Variants in PDE3A observed in about 807,000 individuals in gnomAD.
The protein encoded by PDE3A is cGMP-inhibited 3',5'-cyclic phosphodiesterase 3A.
PDE3A carries 43 observed loss-of-function variants against 98.3 expected under a neutral mutation model. That is an observed-to-expected ratio of 0.44 (90% confidence interval 0.34 to 0.56). PDE3A has a LOEUF of 0.56. PDE3A is among the 20% of genes least tolerant of loss of function. The pLI is 0.01. For synonymous variants in PDE3A, 663 were observed against 567.9 expected, an observed-to-expected ratio of 1.17 and a Z score of -2.38; for missense variants, 1,427 against 1,440.7, an observed-to-expected ratio of 0.99 and a Z score of 0.15.
Position 20,646,839 on chromosome 12 carries a change from T to A in PDE3A, c.2454T>A (p.Ser818=). 6.2e-7 allele frequency: 1 copy of A among 1,612,462 alleles called. No individual in the cohort carries two copies. The part of the protein sequence containing the change: ...NVTDDKYGCL[S]GNIPALELMA... ...CAGATGATAAATACGGATGTCTGTC[T>A]GGGAATATCCCTGCCTTGGAGTTGA... The change falls in exon 12 of 16, where the codon TCT becomes TCA. Residue 818 remains serine (S), a synonymous_variant. Coordinates refer to ENST00000359062, the MANE Select transcript of PDE3A (RefSeq NM_000921.5).
rs1420748907 is a variant in PDE3A at position 20,665,907 on chromosome 12, A to G, written c.3184+11702A>G. Reference sequence around the variant, plus strand: ...TTTTGCTACATTCATCAAATGTGTAATGATTAAATCAGGATATTTAGAATA... The same window carrying G: ...TTTTGCTACATTCATCAAATGTGTAGTGATTAAATCAGGATATTTAGAATA... On this transcript the variant is annotated intron_variant, in intron 15 of 15. Transcript: ENST00000359062. Among the ~76,000 whole-genome samples, 5 of 151,066 alleles carry G rather than the reference A, an allele frequency of 3.3e-5. No individual in the cohort carries two copies. The East Asian group carries it at 9.7e-4, about 29-fold the overall frequency.
chr12:20,389,273 T>G (rs1428159609), intron 1 of PDE3A, among the ~76,000 whole-genome samples: 1 of 151,912 alleles, frequency 6.6e-6, no homozygotes, highest in Non-Finnish European at 1.5e-5. Context: ...AAGTTAGCAT[T>G]TGGGTAGAAT....
chr12:20,537,431 C>A (rs1475211717), intron 1 of PDE3A, among the ~76,000 whole-genome samples: 1 of 151,970 alleles, frequency 6.6e-6, no homozygotes, highest in East Asian at 1.9e-4. Context: ...ACAGATTATT[C>A]TAAAGGCTAG....
rs1945940912 is a variant in PDE3A at position 20,685,641 on chromosome 12, T to G, written c.*5370T>G. Among the ~76,000 whole-genome samples the G allele has an allele frequency of 6.6e-6, 1 of 152,126 alleles. No individual in the cohort carries two copies. The highest frequency in any genetic ancestry group is 6.6e-5 in the Admixed American group (1 of 15,266). On this transcript the variant is annotated 3_prime_UTR_variant, in exon 16 of 16. Transcript: ENST00000359062. ...TTAAGTCTCTAAAAGGAATCCACAT[T>G]TTCTTTCCAGATACAGCTAGTTTTT...
chr12:20,678,793 G>C (rs980029453), intron 15 of PDE3A, among the ~76,000 whole-genome samples: 1 of 152,136 alleles, frequency 6.6e-6, no homozygotes, highest in Non-Finnish European at 1.5e-5. Context: ...GGCCCGACTT[G>C]GGCCACACAC....
intron 1 of PDE3A, among the ~76,000 whole-genome samples, chr12:20,505,434 A>C (rs1242194064): frequency 6.6e-6 from 1 of 152,062 alleles, no homozygotes. Flanking sequence ...TGTTCTATAA[A>C]GTGTAGAGCT....
chr12:20,544,205 GTA>G (rs1404444105), intron 1 of PDE3A, among the ~76,000 whole-genome samples: 1 of 149,482 alleles, frequency 6.7e-6, no homozygotes, highest in Non-Finnish European at 1.5e-5. Context: ...TTTTATATGT[GTA>G]TATATATTTC....
intron 2 of PDE3A, among the ~76,000 whole-genome samples, chr12:20,577,498 C>T (rs946287281): frequency 4.6e-5 from 7 of 152,096 alleles, no homozygotes; most frequent in African/African-American, 1.7e-4. Flanking sequence ...TAAACTGAAC[C>T]GCATATTCAG....
chr12:20,529,795 A>C (rs1343575412), intron 1 of PDE3A, among the ~76,000 whole-genome samples: 4 of 152,182 alleles, frequency 2.6e-5, no homozygotes, highest in Non-Finnish European at 5.9e-5. Context: ...GAATTTGTTT[A>C]CCTAGTTATG....
intron 2 of PDE3A, among the ~76,000 whole-genome samples, chr12:20,569,029 T>A (rs1017177937): frequency 2.6e-5 from 4 of 152,034 alleles, no homozygotes; most frequent in African/African-American, 9.7e-5. Flanking sequence ...AATAAATATG[T>A]GTGTATAAAT....
intron 1 of PDE3A, among the ~76,000 whole-genome samples, chr12:20,537,015 TA>T (rs1219126303): frequency 6.6e-6 from 1 of 152,048 alleles, no homozygotes; most frequent in African/African-American, 2.4e-5. Context: ...TAGCAAATTA[TA>T]AAGGTCCTCA....
At chr12:20,392,506 CATAAATAAATAA>C (rs549745332) in intron 1 of PDE3A, among the ~76,000 whole-genome samples, 5 of 115,094 alleles carry the variant, frequency 4.3e-5, no homozygotes, top group East Asian at 2.9e-4. Context: ...GATCCTGTCT[CATAAATAAATAA>C]ATAAATAAAT....
intron 1 of PDE3A, among the ~76,000 whole-genome samples, chr12:20,544,452 A>G (rs1353019882): frequency 6.6e-6 from 1 of 151,800 alleles, no homozygotes; most frequent in African/African-American, 2.4e-5. Context: ...TTTAAACAAG[A>G]TGGAGATTAG....
chr12:20,370,491 A>G (rs940123045), intron 1 of PDE3A, among the ~76,000 whole-genome samples: 6 of 151,296 alleles, frequency 4.0e-5, no homozygotes, highest in South Asian at 2.1e-4. Context: ...TAACAAAACT[A>G]GATGGCATGT....
At chr12:20,531,016 T>C (rs1178564535) in intron 1 of PDE3A, among the ~76,000 whole-genome samples, 1 of 152,188 alleles carries the variant, frequency 6.6e-6, no homozygotes, top group African/African-American at 2.4e-5. Flanking sequence ...CTTTGAAATG[T>C]CACCCCAAAG....
At chr12:20,451,627 A>AT (rs939356335) in intron 1 of PDE3A, among the ~76,000 whole-genome samples, 4 of 152,096 alleles carry the variant, frequency 2.6e-5, no homozygotes, top group Admixed American at 6.6e-5. Flanking sequence ...ATAGTTTTTA[A>AT]TTTTTTTGTG....
At chr12:20,562,985 C>A (rs1354201020) in intron 2 of PDE3A, among the ~76,000 whole-genome samples, 5 of 152,084 alleles carry the variant, frequency 3.3e-5, no homozygotes, top group African/African-American at 1.2e-4. Context: ...TGACCCATGG[C>A]CTATTTTGGA....
chr12:20,643,971 A>C (rs759547315), intron 10 of PDE3A, among the ~76,000 whole-genome samples: 14 of 152,122 alleles, frequency 9.2e-5, no homozygotes, highest in Non-Finnish European at 1.6e-4. Flanking sequence ...TCCTTACCCC[A>C]AACAGGCTCT....
At chr12:20,564,133 AACTGAACCC>A (rs760219153) in intron 2 of PDE3A, among the ~76,000 whole-genome samples, 35 of 152,032 alleles carry the variant, frequency 2.3e-4, no homozygotes, top group Non-Finnish European at 4.3e-4. Context: ...TCTCTTTAAC[AACTGAACCC>A]ACTAGTATAT....
Sources: gnomAD v4.1 joint callset for allele counts (sites outside exome capture counted in the v4.1 genomes callset) on GRCh38, gnomAD v4.1.1 for gene constraint, MANE v1.5 for transcripts, NCBI Gene and HGNC (gene_info 2026-07-23, HGNC 2026-07-21) for gene names.